SYCP2L: variants seen among roughly 807,000 people sequenced by gnomAD.
SYCP2L encodes the protein synaptonemal complex protein 2 like.
A neutral mutation model predicts 125.8 loss-of-function variants in SYCP2L; 98 were observed. That is an observed-to-expected ratio of 0.78 (90% CI 0.66 to 0.92). The LOEUF (loss-of-function observed/expected upper bound fraction) is 0.92, where lower values mean the gene tolerates loss of function less well. Ranked by LOEUF, SYCP2L falls within the 40% of genes least tolerant of loss-of-function variation. The pLI is 0.00. For synonymous variants in SYCP2L, 317 were observed against 325.4 expected (o/e 0.97, Z 0.28); for missense variants, 842 against 936.4 (o/e 0.90, Z 1.32).
intron 14 of SYCP2L, among the ~76,000 whole-genome samples, chr6:10,916,709 C>A (rs1396577092): frequency 1.3e-5 from 2 of 152,112 alleles, no homozygotes; most frequent in Non-Finnish European, 2.9e-5. Flanking sequence ...AACTTTCTAG[C>A]CGAGGCGTGG....
intron 9 of SYCP2L, 91 bp from the exon 10 acceptor site, chr6:10,907,451 G>T: frequency 8.0e-7 from 1 of 1,250,246 alleles, no homozygotes. Flanking sequence ...CTCAGATGGA[G>T]TTTCTTAGAG....
intron 16 of SYCP2L, 137 bp from the exon 17 acceptor site, chr6:10,927,103 A>C (rs1392821988): frequency 7.1e-7 from 1 of 1,412,986 alleles, no homozygotes; most frequent in African/African-American, 1.4e-5. Context: ...TTCTGATTGG[A>C]GGTTTGAGGC....
intron 11 of SYCP2L, among the ~76,000 whole-genome samples, 179 bp from the exon 12 acceptor site, chr6:10,910,645 A>G (rs1446721691): frequency 6.6e-6 from 1 of 152,186 alleles, no homozygotes; most frequent in Non-Finnish European, 1.5e-5. Context: ...TGACTGCCAG[A>G]TGGAGATTTG....
rs115220143 is a variant in SYCP2L, at chr6:10,892,322, C to T, written c.78+741C>T. On this transcript the variant is annotated intron_variant, in intron 2 of 29. Transcript: ENST00000283141. ...ATGGCAAAGTTTTGTTTTGTTTTAA[C>T]GGGATCTCACTCTGTTACCCCAGCT... 3.7e-3 allele frequency among the ~76,000 whole-genome samples: 562 copies of T among 152,250 alleles called. 3 individuals carry two copies. The highest frequency in any genetic ancestry group is 0.013 in the African/African-American group (524 of 41,546).
At chr6:10,936,133 G>T (rs1193993274) in intron 21 of SYCP2L, among the ~76,000 whole-genome samples, 1 of 152,030 alleles carries the variant, frequency 6.6e-6, no homozygotes, top group Non-Finnish European at 1.5e-5. Context: ...ATAACAATCT[G>T]TTAGTGTAGC....
At chr6:10,948,081 A>G (rs770632459) in intron 23 of SYCP2L, among the ~76,000 whole-genome samples, 5 of 152,124 alleles carry the variant, frequency 3.3e-5, no homozygotes, top group Non-Finnish European at 5.9e-5. Context: ...AAAATTGTAT[A>G]TATTTAAGGT....
At chr6:10,970,587 G>C (rs905887030) in intron 29 of SYCP2L, among the ~76,000 whole-genome samples, 1 of 152,190 alleles carries the variant, frequency 6.6e-6, no homozygotes, top group Non-Finnish European at 1.5e-5. Context: ...CAGCTTCTAG[G>C]TTTGGGGCTT....
chr6:10,938,667 C>CA (rs1234547206), intron 21 of SYCP2L, among the ~76,000 whole-genome samples: 1 of 152,034 alleles, frequency 6.6e-6, no homozygotes, highest in African/African-American at 2.4e-5. Context: ...AAGGCTTCAC[C>CA]AAAAAACTGT....
chr6:10,961,633 G>T, intron 28 of SYCP2L, 75 bp downstream of exon 28: 1 of 1,438,278 alleles, frequency 7.0e-7, no homozygotes. Context: ...AGAATGGGCA[G>T]TTGGTGACGG....
intron 28 of SYCP2L, among the ~76,000 whole-genome samples, chr6:10,962,266 C>T (rs1481099278): frequency 2.2e-5 from 2 of 89,064 alleles, no homozygotes; most frequent in African/African-American, 8.4e-5. Flanking sequence ...GGATATTCTT[C>T]CTAAAACCTA....
Position 10,891,609 on chromosome 6 carries a change from C to CTGTGTGTGTGTG in SYCP2L, c.78+29_78+30insGTGTGTGTGTGT, listed in dbSNP as rs1393722587. The CTGTGTGTGTGTG allele has an allele frequency of 4.2e-6, 3 of 717,856 alleles. No individual in the cohort carries two copies. In the African/African-American group the frequency reaches 7.1e-5, roughly 17 times the overall value. 44.5% of individuals were successfully genotyped at this position (717,856 alleles called of 1,614,324 possible). On this transcript the variant is annotated intron_variant, in intron 2 of 29. Transcript: ENST00000283141. ...AAAGATCAAGTTTCTTTTATAATCT[C>CTGTGTGTGTGTG]TCTCTGTGTGTGTGTGTGTGTGTGT...
chr6:10,936,757 T>C (rs190759784), intron 21 of SYCP2L, among the ~76,000 whole-genome samples: 391 of 152,246 alleles, frequency 2.6e-3, no homozygotes, highest in Admixed American at 6.6e-3. Context: ...GAAAAAGATA[T>C]TCCATGCAAA....
chr6:10,933,224 A>C (rs1486511134), intron 20 of SYCP2L, among the ~76,000 whole-genome samples: 2 of 152,216 alleles, frequency 1.3e-5, no homozygotes, highest in African/African-American at 4.8e-5. Context: ...TTTTCTGTAA[A>C]GGGCCAGATA....
intron 9 of SYCP2L, among the ~76,000 whole-genome samples, chr6:10,906,994 A>T (rs1780508887): frequency 6.6e-6 from 1 of 152,104 alleles, no homozygotes; most frequent in Admixed American, 6.5e-5. Flanking sequence ...TTATTTAAAA[A>T]TTGTTATATG....
At chr6:10,947,726 T>G (rs1781340940) in intron 23 of SYCP2L, among the ~76,000 whole-genome samples, 2 of 152,068 alleles carry the variant, frequency 1.3e-5, no homozygotes, top group Admixed American at 1.3e-4. Context: ...CTTCTGATAC[T>G]TACATCTCTT....
intron 2 of SYCP2L, among the ~76,000 whole-genome samples, chr6:10,893,639 C>T (rs895300196): frequency 1.3e-5 from 2 of 152,220 alleles, no homozygotes; most frequent in South Asian, 2.1e-4. Context: ...GTGATGCCAG[C>T]GCTGTTGGTG....
intron 29 of SYCP2L, among the ~76,000 whole-genome samples, chr6:10,964,280 C>T (rs1269071799): frequency 6.6e-6 from 1 of 152,088 alleles, no homozygotes; most frequent in Non-Finnish European, 1.5e-5. Flanking sequence ...ATAGCAATTT[C>T]TCCCATTTTA....
At chr6:10,910,057 G>GAAGC in intron 10 of SYCP2L, 91 bp from the exon 11 acceptor site, 1 of 1,012,772 alleles carries the variant, frequency 9.9e-7, no homozygotes, top group Non-Finnish European at 1.5e-6. Context: ...TGGTCATTTA[G>GAAGC]AAGCAAACAC....
chr6:10,925,460 C>G (rs934488895), intron 15 of SYCP2L, among the ~76,000 whole-genome samples: 4 of 152,194 alleles, frequency 2.6e-5, no homozygotes, highest in Admixed American at 6.5e-5. Flanking sequence ...CTCCAACTCT[C>G]TCTGTTTCCT....
Sources: gnomAD v4.1 joint callset for allele counts (sites outside exome capture counted in the v4.1 genomes callset) on GRCh38, gnomAD v4.1.1 for gene constraint, MANE v1.5 for transcripts, NCBI Gene and HGNC (gene_info 2026-07-23, HGNC 2026-07-21) for gene names.